CCDC116: variants seen among roughly 807,000 people sequenced by gnomAD.
The protein encoded by CCDC116 is coiled-coil domain-containing protein 116.
Under a neutral mutation model 29.4 loss-of-function variants are expected in CCDC116, and 24 were observed. The ratio of observed to expected loss-of-function variants is 0.82; its 90% CI spans 0.59 to 1.15. CCDC116 has a LOEUF of 1.15. CCDC116 is among the 50% of genes most tolerant of loss of function. The pLI is 0.00. For synonymous variants in CCDC116, 298 were observed against 331.4 expected, an observed-to-expected ratio of 0.90 and a Z score of 1.10; for missense variants, 791 against 804.0, an observed-to-expected ratio of 0.98 and a Z score of 0.20.
intron 4 of CCDC116, chr22:21,635,885 A>G: frequency 2.1e-6 from 1 of 480,854 alleles, no homozygotes. Flanking sequence ...CAGCAGCCCA[A>G]GCCCAGCCGG....
Position 21,636,419 on chromosome 22 carries a change from G to A in CCDC116, c.1204-13G>A, listed in dbSNP as rs748672060. 13 of 1,606,200 alleles carry A rather than the reference G, an allele frequency of 8.1e-6. No homozygotes were observed. Among genetic ancestry groups the A allele is most frequent in the East Asian group, 6.7e-5 (3 of 44,796 alleles). On this transcript the variant is annotated splice_polypyrimidine_tract_variant and intron_variant, in intron 4 of 4. Coordinates refer to ENST00000292779, the MANE Select transcript of CCDC116 (RefSeq NM_152612.3). ...GTGACATGTGTCCCTTTCCCTCCCC[G>A]GCTGCTATGCAGAGCCCCTGCAGCA...
intron 4 of CCDC116, 147 bp downstream of exon 4, chr22:21,635,413 C>G (rs753807612): frequency 1.3e-6 from 1 of 775,352 alleles, no homozygotes; most frequent in South Asian, 1.4e-5. Flanking sequence ...TGCACCTCAC[C>G]CTGCCCACGC....
chr22:21,636,288 T>C (rs1930795835), intron 4 of CCDC116, 144 bp from the exon 5 acceptor site: 2 of 693,656 alleles, frequency 2.9e-6, no homozygotes, highest in Non-Finnish European at 4.8e-6. Context: ...AATGTGTTTG[T>C]CACACTAAGG....
At chr22:21,635,401 C>A in intron 4 of CCDC116, 135 bp downstream of exon 4, 1 of 839,128 alleles carries the variant, frequency 1.2e-6, no homozygotes, top group Non-Finnish European at 2.0e-6. Context: ...CCTGGCAGGG[C>A]CTGCACCTCA....
rs933888286 is a variant in CCDC116, at chr22:21,632,776, C to G, written c.-114C>G. 5.8e-6 allele frequency: 2 copies of G among 346,802 alleles called. No homozygotes were observed. The highest frequency in any genetic ancestry group is 4.2e-5 in the African/African-American group (2 of 47,318). 21.5% of individuals were successfully genotyped at this position (346,802 alleles called of 1,614,324 possible). On this transcript the variant is annotated 5_prime_UTR_variant, in exon 1 of 5. Transcript: ENST00000292779. ...GACTTCCTCGCACTGTGCAGCTGCT[C>G]CAGTGAGGGCGCAGACTGTACTGGC... is the stretch of plus-strand genomic sequence containing the variant.
chr22:21,636,850 A>G lies in CCDC116; in HGVS notation c.1622A>G (p.Glu541Gly), dbSNP rs2066034932. ...ATHTAQDQAT[E>G]PCRSLYTNLP... ...CACACTGCCCAGGACCAGGCCACAG[A>G]GCCCTGCCGCTCCCTCTACACCAAC... Residue 541 changes from glutamate to glycine, a missense_variant, in exon 5 of 5, where the codon GAG becomes GGG. Coordinates refer to ENST00000292779, the MANE Select transcript of CCDC116 (RefSeq NM_152612.3). 6.2e-7 allele frequency: 1 copy of G among 1,613,412 alleles called. No homozygotes were observed. Among genetic ancestry groups the G allele is most frequent in the Non-Finnish European group, 8.5e-7 (1 of 1,179,980 alleles).
intron 2 of CCDC116, among the ~76,000 whole-genome samples, chr22:21,633,650 T>G (rs767220156): frequency 4.6e-5 from 7 of 152,186 alleles, no homozygotes; most frequent in Non-Finnish European, 8.8e-5. Context: ...GCCTGCTGCA[T>G]GGACAGATGA....
At chr22:21,635,581 C>A (rs766466372) in intron 4 of CCDC116, 1 of 703,036 alleles carries the variant, frequency 1.4e-6, no homozygotes, top group South Asian at 1.5e-5. Context: ...CAGAGGTGAC[C>A]TCCTCAAAAG....
rs372808645 is a variant in CCDC116 at position 21,636,638 on chromosome 22, C to T, written c.1410C>T (p.His470=). The part of the protein sequence containing the change: ...QLGFFSFPIT[H]VLRDLSLGLK... ...GCTTCTTCTCCTTCCCCATCACCCACGTGCTCAGGGACCTTTCCCTGGGCT... is the reference window on the plus strand; with the variant it reads ...GCTTCTTCTCCTTCCCCATCACCCATGTGCTCAGGGACCTTTCCCTGGGCT... The change falls in exon 5 of 5, where the codon CAC becomes CAT. Residue 470 remains histidine (H), a synonymous_variant. Transcript: ENST00000292779. 21 of 1,614,010 alleles carry T rather than the reference C, an allele frequency of 1.3e-5. No individual in the cohort carries two copies. Among genetic ancestry groups the T allele is most frequent in the Admixed American group, 1.2e-4 (7 of 60,002 alleles).
In CCDC116 at chr22:21,633,116, G is replaced by A. The variant is rs781248267; in HGVS notation, c.-62-4G>A. ...CCCTCAGGTTGTCTCCCCACCCCAC[G>A]CAGAGAGGAATGCGCAGCTGAAGAG... On this transcript the variant is annotated splice_polypyrimidine_tract_variant and splice_region_variant and intron_variant, in intron 1 of 4. Transcript: ENST00000292779. 6.0e-6 allele frequency: 8 copies of A among 1,342,890 alleles called. No homozygotes were observed. The highest frequency in any genetic ancestry group is 2.5e-5 in the East Asian group (1 of 40,026). 83.2% of individuals were successfully genotyped at this position (1,342,890 alleles called of 1,614,324 possible).
intron 4 of CCDC116, 64 bp downstream of exon 4, chr22:21,635,330 G>A (rs1276546003): frequency 5.8e-6 from 8 of 1,378,524 alleles, no homozygotes; most frequent in Non-Finnish European, 7.0e-6. Context: ...GGAGGCACCT[G>A]ACTCAGATCC....
In CCDC116 at chr22:21,634,945, C is replaced by T. The variant is rs964392042; in HGVS notation, c.882C>T (p.Leu294=). The change falls in exon 4 of 5, where the codon CTC becomes CTT. Residue 294 remains leucine, a synonymous_variant. Coordinates refer to ENST00000292779, the MANE Select transcript of CCDC116 (RefSeq NM_152612.3). ...ESLDLPGYCP[L]REPHRTLNFL... ...TCGACCTGCCTGGCTACTGTCCGCT[C>T]CGTGAGCCCCATCGCACGCTGAACT... is the stretch of plus-strand genomic sequence containing the variant. The T allele has an allele frequency of 6.2e-7, 1 of 1,613,616 alleles. No homozygotes were observed. The highest frequency in any genetic ancestry group is 8.5e-7 in the Non-Finnish European group (1 of 1,180,038).
rs1489820248 is a variant in CCDC116 at position 21,635,176 on chromosome 22, C to T, written c.1113C>T (p.Ser371=). 16 of 1,601,002 alleles carry T rather than the reference C, an allele frequency of 1.0e-5. No homozygotes were observed. Among genetic ancestry groups the T allele is most frequent in the Non-Finnish European group, 1.4e-5 (16 of 1,179,952 alleles). ...ATGCTTCCCCCCGCCCCACAGTCTCCAGCCCCAAGATGCTTCAGAGAAAAC... is the reference window on the plus strand; with the variant it reads ...ATGCTTCCCCCCGCCCCACAGTCTCTAGCCCCAAGATGCTTCAGAGAAAAC... The part of the protein sequence containing the change: ...QPYASPRPTV[S]SPKMLQRKRK... Residue 371 remains serine, a synonymous_variant, in exon 4 of 5, where the codon TCC becomes TCT. Transcript: ENST00000292779.
In CCDC116 at chr22:21,634,228, G is replaced by A. The variant is rs778183454; in HGVS notation, c.279G>A (p.Ala93=). 16 of 1,614,084 alleles carry A rather than the reference G, an allele frequency of 9.9e-6. No individual in the cohort carries two copies. The East Asian group carries it at 1.3e-4, about 13-fold the overall frequency. Reference sequence around the variant, plus strand: ...GCCTGGAGACAGTGGTGGAGAAGGCGACTGAGCGCATGGCTGCCATGAAGA... The same window carrying A: ...GCCTGGAGACAGTGGTGGAGAAGGCAACTGAGCGCATGGCTGCCATGAAGA... The part of the protein sequence containing the change: ...LDSLETVVEK[A]TERMAAMKTE... Residue 93 remains alanine, a synonymous_variant, in exon 3 of 5, where the codon GCG becomes GCA. Transcript: ENST00000292779.
chr22:21,637,109 C>T lies in CCDC116; in HGVS notation c.*39C>T. 3.9e-6 allele frequency: 6 copies of T among 1,541,974 alleles called. No homozygotes were observed. In the South Asian group the frequency reaches 6.0e-5, roughly 16 times the overall value. On this transcript the variant is annotated 3_prime_UTR_variant, in exon 5 of 5. Coordinates refer to ENST00000292779, the MANE Select transcript of CCDC116 (RefSeq NM_152612.3). ...CTGGAGAGGAGGCCTCGGTCAGCCA[C>T]TCCGTGGACGTGGGCCACGGTGACC... is the stretch of plus-strand genomic sequence containing the variant.
At position 21,634,921 on chromosome 22, in the gene CCDC116, C is replaced by T. The variant is rs200987289; in HGVS notation, c.858C>T (p.Leu286=). 112 of 1,613,960 alleles carry T rather than the reference C, an allele frequency of 6.9e-5. 2 individuals carry two copies. In the South Asian group the frequency reaches 9.0e-4, roughly 13 times the overall value. The part of the protein sequence containing the change: ...IKSLLSQLES[L]DLPGYCPLRE... ...CATTACTGAGCCAGCTGGAGTCCCT[C>T]GACCTGCCTGGCTACTGTCCGCTCC... is the stretch of plus-strand genomic sequence containing the variant. Residue 286 remains leucine, a synonymous_variant, in exon 4 of 5, where the codon CTC becomes CTT. Transcript: ENST00000292779.
rs770371568 is a variant in CCDC116 at position 21,635,062 on chromosome 22, TC to T, written c.1001del (p.Pro334LeufsTer106). On this transcript the variant is annotated frameshift_variant, in exon 4 of 5. Transcript: ENST00000292779. LOFTEE classifies it high-confidence loss of function. ...GTGGCGCCCACTGCCGCGACGGCCG[TC>T]CTCTGTTCCCCACCAGCTTGGAGCC... The part of the protein sequence containing the change: ...LRGAHCRDGR[P>X]LFPTSLEPTS... 6.6e-5 allele frequency: 107 copies of T among 1,609,188 alleles called. No individual in the cohort carries two copies. Among genetic ancestry groups the T allele is most frequent in the Non-Finnish European group, 8.7e-5 (103 of 1,179,986 alleles).
intron 4 of CCDC116, 89 bp downstream of exon 4, chr22:21,635,355 C>T (rs1200771802): frequency 9.6e-6 from 11 of 1,151,676 alleles, no homozygotes; most frequent in Non-Finnish European, 1.4e-5. Flanking sequence ...TTACAAAACC[C>T]ACCTGTTTCC....
rs1160116675 is a variant in CCDC116, at chr22:21,634,413, G to T, written c.464G>T (p.Ser155Ile). 3 of 1,614,080 alleles carry T rather than the reference G, an allele frequency of 1.9e-6. No individual in the cohort carries two copies. The highest frequency in any genetic ancestry group is 1.7e-6 in the Non-Finnish European group (2 of 1,180,046). ...GHPNNYPSSS[S>I]SMSNCHSSLM... ...CCCAACAACTACCCATCCAGCTCCA[G>T]CTCCATGTCCAACTGCCATAGCAGC... Residue 155 changes from serine (S) to isoleucine (I), a missense_variant, in exon 3 of 5, where the codon AGC becomes ATC. By Grantham distance (142) the Ser-to-Ile change is moderately radical. Coordinates refer to ENST00000292779, the MANE Select transcript of CCDC116 (RefSeq NM_152612.3).
Sources: allele counts gnomAD v4.1 joint callset (sites outside exome capture counted in the v4.1 genomes callset), GRCh38; gene constraint gnomAD v4.1.1; transcripts MANE v1.5; gene names NCBI Gene and HGNC (gene_info 2026-07-23, HGNC 2026-07-21).